Variants in SOX13 observed in about 807,000 individuals in gnomAD.
The protein encoded by SOX13 is transcription factor SOX-13.
SOX13 carries 28 observed loss-of-function variants against 71.8 expected under a neutral mutation model. That is an observed-to-expected ratio of 0.39 (90% confidence interval 0.29 to 0.53). The LOEUF is 0.53. Among genes scored for constraint, SOX13 ranks in the 20% least tolerant of loss-of-function variants. The pLI, the probability that SOX13 is intolerant of heterozygous loss-of-function variation, is 0.70. For synonymous variants in SOX13, 309 were observed against 317.8 expected, an observed-to-expected ratio of 0.97 and a Z score of 0.29; for missense variants, 627 against 810.3, an observed-to-expected ratio of 0.77 and a Z score of 2.75.
intron 1 of SOX13, among the ~76,000 whole-genome samples, chr1:204,112,208 A>G (rs1176980179): frequency 6.6e-6 from 1 of 152,222 alleles, no homozygotes; most frequent in Admixed American, 6.5e-5. Context: ...TGGGAGGCTG[A>G]GGCGGGCAGA....
chr1:204,122,127 C>T, intron 8 of SOX13, 110 bp from the exon 9 acceptor site: 1 of 1,117,614 alleles, frequency 8.9e-7, no homozygotes, highest in Non-Finnish European at 1.3e-6. Context: ...GTCCACTTTT[C>T]TGTCTGTCTC....
At chr1:204,106,580 C>A (rs1266782868) in intron 1 of SOX13, among the ~76,000 whole-genome samples, 3 of 147,492 alleles carry the variant, frequency 2.0e-5, no homozygotes, top group Non-Finnish European at 4.4e-5. Flanking sequence ...AGTGCAGAGG[C>A]GTGATCTCAA....
At chr1:204,103,266 C>G (rs1380976213) in intron 1 of SOX13, among the ~76,000 whole-genome samples, 2 of 152,214 alleles carry the variant, frequency 1.3e-5, no homozygotes, top group Admixed American at 1.3e-4. Flanking sequence ...TGACTCAAGT[C>G]AGAAACAACT....
At position 204,122,352 on chromosome 1, in the gene SOX13, G is replaced by A. The variant is rs1478667009; in HGVS notation, c.977G>A (p.Gly326Glu). The A allele has an allele frequency of 6.4e-7, 1 of 1,564,390 alleles. No homozygotes were observed. The highest frequency in any genetic ancestry group is 1.9e-5 in the Admixed American group (1 of 53,244). The change falls in exon 9 of 14, where the codon GGA becomes GAA. Residue 326 changes from glycine (G) to glutamate (E), a missense_variant. Gly to Glu is a moderately conservative substitution (Grantham distance 98). Transcript: ENST00000367204. ...SSCVPRPPSH[G>E]GPTRDLQSSP... The stretch of plus-strand genomic sequence containing the variant: ...TGTGTGCCCCGCCCCCCCAGCCATG[G>A]AGGCCCCACGCGGGACCTGCAGTCC...
At chr1:204,114,229 C>CCTCAGGGT in intron 2 of SOX13, 92 bp from the exon 3 acceptor site, 3 of 775,184 alleles carry the variant, frequency 3.9e-6, no homozygotes, top group Non-Finnish European at 6.4e-6. Flanking sequence ...GGCTGGGATC[C>CCTCAGGGT]CTCAGGGTAC....
chr1:204,120,703 A>G (rs1656785425), intron 7 of SOX13, among the ~76,000 whole-genome samples: 1 of 152,176 alleles, frequency 6.6e-6, no homozygotes, highest in Non-Finnish European at 1.5e-5. Flanking sequence ...AGCCTGCTCT[A>G]GTTACCCCAG....
chr1:204,114,977 A>G (rs533805433), intron 4 of SOX13, among the ~76,000 whole-genome samples: 23 of 151,876 alleles, frequency 1.5e-4, no homozygotes, highest in African/African-American at 5.1e-4. Flanking sequence ...AGTGAAAAGT[A>G]GTTACTAATG....
chr1:204,115,492 TAAAAAAAAAAA>T lies in SOX13; in HGVS notation c.418+898_418+908del, dbSNP rs71145062. ...CCGATGTTGTTTTTTTTTTTTTTTT[TAAAAAAAAAAA>T]AAAAAAAAAAGGTCTATGGCCAGGC... is the stretch of plus-strand genomic sequence containing the variant. On this transcript the variant is annotated intron_variant, in intron 4 of 13. Coordinates refer to ENST00000367204, the MANE Select transcript of SOX13 (RefSeq NM_005686.3). 4.0e-5 allele frequency among the ~76,000 whole-genome samples: 2 copies of T among 49,928 alleles called. 1 individual carries two copies. The highest frequency in any genetic ancestry group is 1.4e-4 in the African/African-American group (2 of 13,826). 32.8% of individuals were successfully genotyped at this position (49,928 alleles called of 152,430 possible).
chr1:204,102,387 G>C (rs756712082), intron 1 of SOX13, among the ~76,000 whole-genome samples: 30 of 152,198 alleles, frequency 2.0e-4, no homozygotes, highest in Admixed American at 1.3e-4. Flanking sequence ...AGGAAATGAG[G>C]GAGCTCATGA....
chr1:204,123,564 C>T lies in SOX13; in HGVS notation c.1232-97C>T, dbSNP rs1033598463. The stretch of plus-strand genomic sequence containing the variant: ...GCTGCTGTGGGAGCCTCCTCAGTGC[C>T]TCCTGCTGGTCAAGTAGGGGACGTC... On this transcript the variant is annotated intron_variant, in intron 11 of 13. Transcript: ENST00000367204. The surrounding 1 kb of genome is among the most constrained non-coding windows in gnomAD (Gnocchi z 5.0). 2 of 1,375,462 alleles carry T rather than the reference C, an allele frequency of 1.5e-6. No individual in the cohort carries two copies. Among genetic ancestry groups the T allele is most frequent in the African/African-American group, 1.4e-5 (1 of 69,456 alleles). 85.2% of individuals were successfully genotyped at this position (1,375,462 alleles called of 1,614,324 possible).
rs960687329 is a variant in SOX13 at position 204,117,142 on chromosome 1, G to A, written c.612G>A (p.Gln204=). ...QQEQIAKQQQ[Q]LIQQQHKINL... ...CCCAGATTGCAAAGCAGCAGCAGCA[G>A]CTGATTCAGCAGCAGCATAAGATCA... is the stretch of plus-strand genomic sequence containing the variant. The change falls in exon 6 of 14, where the codon CAG becomes CAA. Residue 204 remains glutamine, a synonymous_variant. Transcript: ENST00000367204. 5.6e-6 allele frequency: 9 copies of A among 1,613,884 alleles called. No individual in the cohort carries two copies. Among genetic ancestry groups the A allele is most frequent in the Non-Finnish European group, 6.8e-6 (8 of 1,179,886 alleles).
chr1:204,121,722 T>C, intron 7 of SOX13, 178 bp from the exon 8 acceptor site: 3 of 674,238 alleles, frequency 4.4e-6, no homozygotes, highest in South Asian at 3.2e-5. Flanking sequence ...AGGGGCAGTG[T>C]GGAGTGAGGG....
chr1:204,093,623 G>A (rs929922709), intron 1 of SOX13, among the ~76,000 whole-genome samples: 2 of 152,318 alleles, frequency 1.3e-5, no homozygotes, highest in South Asian at 2.1e-4. Context: ...CCCAGCAGGC[G>A]GAGAGGGTTA....
At chr1:204,084,167 G>A (rs879552085) in intron 1 of SOX13, among the ~76,000 whole-genome samples, 3 of 152,160 alleles carry the variant, frequency 2.0e-5, no homozygotes, top group African/African-American at 4.8e-5. Flanking sequence ...GCTACAAGTC[G>A]TGTGTGCAAG....
intron 1 of SOX13, among the ~76,000 whole-genome samples, chr1:204,077,823 T>C (rs1571561079): frequency 6.6e-6 from 1 of 152,254 alleles, no homozygotes; most frequent in Non-Finnish European, 1.5e-5. Context: ...GTTTGTTTGT[T>C]TGTTTTGAGA....
rs530073954 is a variant in SOX13 at position 204,081,063 on chromosome 1, G to A, written c.-2+7352G>A. On this transcript the variant is annotated intron_variant, in intron 1 of 13. Transcript: ENST00000367204. This position sits in a 1 kb window ranked among gnomAD's most constrained non-coding sequence, Gnocchi z 4.3. Reference sequence around the variant, plus strand: ...AGTAGCTGGGATTACAGGCATGCGCGACCATGCCTGGCTAATTTTTTGTAT... The same window carrying A: ...AGTAGCTGGGATTACAGGCATGCGCAACCATGCCTGGCTAATTTTTTGTAT... Among the ~76,000 whole-genome samples, 16 of 151,876 alleles carry A rather than the reference G, an allele frequency of 1.1e-4. No individual in the cohort carries two copies. Among genetic ancestry groups the A allele is most frequent in the East Asian group, 5.9e-4 (3 of 5,122 alleles).
intron 6 of SOX13, 85 bp downstream of exon 6, chr1:204,117,275 T>G: frequency 8.3e-7 from 1 of 1,202,174 alleles, no homozygotes; most frequent in Non-Finnish European, 1.2e-6. Flanking sequence ...ACAGGGGATG[T>G]GCACCAAGTT....
intron 1 of SOX13, among the ~76,000 whole-genome samples, chr1:204,102,339 G>A (rs1390406510): frequency 6.6e-6 from 1 of 152,214 alleles, no homozygotes; most frequent in Non-Finnish European, 1.5e-5. Context: ...GAGAACGCAA[G>A]GGTTAATGAT....
At chr1:204,121,132 A>G (rs1158932744) in intron 7 of SOX13, among the ~76,000 whole-genome samples, 2 of 151,952 alleles carry the variant, frequency 1.3e-5, no homozygotes, top group Admixed American at 1.3e-4. Context: ...GGCGCGTGCC[A>G]CCGCACCCGG....
Sources: gnomAD v4.1 joint callset for allele counts (sites outside exome capture counted in the v4.1 genomes callset) on GRCh38, gnomAD v4.1.1 for gene constraint, Gnocchi (gnomAD v3.1) non-coding constraint, MANE v1.5 for transcripts, NCBI Gene and HGNC (gene_info 2026-07-23, HGNC 2026-07-21) for gene names.